COBL: variants seen among roughly 807,000 people sequenced by gnomAD.
COBL encodes cordon-bleu WH2 repeat protein.
A neutral mutation model predicts 98.8 loss-of-function variants in COBL; 51 were observed. The ratio of observed to expected loss-of-function variants is 0.52; its 90% CI spans 0.41 to 0.65. The LOEUF (loss-of-function observed/expected upper bound fraction) is 0.65, where lower values mean the gene tolerates loss of function less well. COBL is among the 30% of genes least tolerant of loss of function. The probability of loss-of-function intolerance (pLI) is 0.00; values close to 1 mark genes in which losing one functional copy is unlikely to be tolerated. For missense variants in COBL, 1,617 were observed against 1,617.5 expected (o/e 1.00, Z 0.01); for synonymous variants, 634 against 651.7 (o/e 0.97, Z 0.41).
intron 5 of COBL, among the ~76,000 whole-genome samples, chr7:51,145,831 C>T (rs1341786563): frequency 1.3e-5 from 2 of 152,174 alleles, no homozygotes; most frequent in Non-Finnish European, 1.5e-5. Flanking sequence ...AGCCGTCTTT[C>T]GTGTGTGTGA....
intron 5 of COBL, among the ~76,000 whole-genome samples, chr7:51,148,884 C>CTG (rs1785292966): frequency 6.6e-6 from 1 of 151,954 alleles, no homozygotes; most frequent in East Asian, 1.9e-4. Flanking sequence ...ATCATTTACT[C>CTG]TGTGTGTGTG....
At chr7:51,041,710 C>T (rs775132965) in intron 8 of COBL, among the ~76,000 whole-genome samples, 23 of 152,112 alleles carry the variant, frequency 1.5e-4, no homozygotes, top group Middle Eastern at 3.4e-3. Context: ...TCTTGAACTC[C>T]TGACCTCAGG....
intron 5 of COBL, among the ~76,000 whole-genome samples, chr7:51,181,184 C>T (rs1035966578): frequency 6.6e-6 from 1 of 152,060 alleles, no homozygotes; most frequent in African/African-American, 2.4e-5. Context: ...TGACACTCAG[C>T]GTTTAATCAT....
At chr7:51,307,371 CAAAAACA>C (rs1157933393) in intron 1 of COBL, among the ~76,000 whole-genome samples, 1 of 151,800 alleles carries the variant, frequency 6.6e-6, no homozygotes, top group South Asian at 2.1e-4. Context: ...AAAACAAAAA[CAAAAACA>C]AAAAAAGGAG....
chr7:51,064,994 G>T, intron 7 of COBL: 4 of 601,750 alleles, frequency 6.6e-6, no homozygotes, highest in Non-Finnish European at 1.2e-5. Context: ...GGACAATATG[G>T]CAAGCTTTCA....
rs1009037286 is a variant in COBL, at chr7:51,237,788, G to T, written c.42-17844C>A. 2.6e-5 allele frequency among the ~76,000 whole-genome samples: 4 copies of T among 152,296 alleles called. No homozygotes were observed. The East Asian group carries it at 7.7e-4, about 29-fold the overall frequency. The stretch of plus-strand genomic sequence containing the variant: ...AGTAATGAAAACAAAACGTGTATTA[G>T]AATAGACCAATATTTACATGGTGTT... On this transcript the variant is annotated intron_variant, in intron 1 of 12. Transcript: ENST00000265136.
chr7:51,094,114 A>C (rs1401517972), intron 6 of COBL, among the ~76,000 whole-genome samples: 1 of 152,024 alleles, frequency 6.6e-6, no homozygotes, highest in Non-Finnish European at 1.5e-5. Flanking sequence ...ATGCTAAGTA[A>C]AATAAGACAG....
intron 6 of COBL, among the ~76,000 whole-genome samples, chr7:51,110,418 T>C (rs1301609278): frequency 6.6e-6 from 1 of 152,258 alleles, no homozygotes; most frequent in East Asian, 1.9e-4. Context: ...GTTCCATCCA[T>C]GTCGCTGTAA....
intron 8 of COBL, among the ~76,000 whole-genome samples, chr7:51,037,196 A>G (rs1485051338): frequency 2.0e-5 from 3 of 152,234 alleles, no homozygotes; most frequent in Non-Finnish European, 2.9e-5. Context: ...CAAGTTACAA[A>G]GATTACCTAG....
At chr7:51,042,064 C>T (rs1442600704) in intron 8 of COBL, among the ~76,000 whole-genome samples, 1 of 152,142 alleles carries the variant, frequency 6.6e-6, no homozygotes, top group Non-Finnish European at 1.5e-5. Context: ...CTTCATATCA[C>T]ACCCAAAAAT....
chr7:51,143,345 T>G (rs909540846), intron 5 of COBL, among the ~76,000 whole-genome samples: 1 of 152,172 alleles, frequency 6.6e-6, no homozygotes, highest in African/African-American at 2.4e-5. Context: ...AGGGAAGGTT[T>G]TTCCCTCTCA....
At chr7:51,052,627 CAT>C in intron 7 of COBL, among the ~76,000 whole-genome samples, 1 of 152,174 alleles carries the variant, frequency 6.6e-6, no homozygotes. Context: ...TATTAAAACA[CAT>C]AAATTTTATT....
intron 6 of COBL, among the ~76,000 whole-genome samples, chr7:51,117,495 A>G (rs1345536012): frequency 6.6e-6 from 1 of 152,052 alleles, no homozygotes; most frequent in Non-Finnish European, 1.5e-5. Flanking sequence ...TGGGCCCATC[A>G]GTGAAATTTT....
At chr7:51,271,922 G>A (rs1247857292) in intron 1 of COBL, among the ~76,000 whole-genome samples, 4 of 152,066 alleles carry the variant, frequency 2.6e-5, no homozygotes, top group African/African-American at 4.8e-5. Context: ...CCAGCTACTC[G>A]GGAGGCTGAG....
intron 1 of COBL, among the ~76,000 whole-genome samples, chr7:51,303,755 C>T (rs149573110): frequency 1.3e-5 from 2 of 152,260 alleles, no homozygotes; most frequent in Admixed American, 6.5e-5. Context: ...TATACTGATC[C>T]GTTCTGTATG....
intron 6 of COBL, among the ~76,000 whole-genome samples, chr7:51,092,369 G>C (rs1174146322): frequency 1.3e-5 from 2 of 152,172 alleles, no homozygotes; most frequent in Non-Finnish European, 2.9e-5. Flanking sequence ...CAATGTCATA[G>C]AGCTTCCCTC....
intron 6 of COBL, among the ~76,000 whole-genome samples, chr7:51,099,589 A>G (rs1481963504): frequency 2.0e-5 from 3 of 152,150 alleles, no homozygotes. Context: ...AGCTTGAGGG[A>G]GGGGGAAAAG....
rs772163677 is a variant in COBL at position 51,185,418 on chromosome 7, A to G, written c.686-1219T>C. 3.8e-4 allele frequency among the ~76,000 whole-genome samples: 58 copies of G among 152,102 alleles called. 1 individual carries two copies. The highest frequency in any genetic ancestry group is 8.8e-5 in the Non-Finnish European group (6 of 68,020). ...CCATGTGTGAGGCACACTTCGGAAA[A>G]CCACTTAGCTCCTCCAAGCCTCAGC... On this transcript the variant is annotated intron_variant, in intron 4 of 12. Coordinates refer to ENST00000265136, the MANE Select transcript of COBL (RefSeq NM_015198.5).
Position 51,028,572 on chromosome 7 carries a change from C to T in COBL, c.2524G>A (p.Gly842Ser). ...GRNQPPTMGM[G>S]HVRVPAAHTT... ...TGAGCTGCTGGCACCCTCACGTGAC[C>T]CATGCCCATGGTGGGGGGCTGGTTT... The change falls in exon 10 of 13, where the codon GGT (glycine) becomes AGT (serine). Residue 842 changes from glycine to serine, a missense_variant. Around this residue, in one of 3 missense-constraint regions of COBL, gnomAD observed 1,304 missense variants for 1,282.0 expected, o/e 1.02. Coordinates refer to ENST00000265136, the MANE Select transcript of COBL (RefSeq NM_015198.5). 1 of 1,614,244 alleles carries T rather than the reference C, an allele frequency of 6.2e-7. No individual in the cohort carries two copies. The highest frequency in any genetic ancestry group is 1.1e-5 in the South Asian group (1 of 91,078).
Sources: gnomAD v4.1 joint callset for allele counts (sites outside exome capture counted in the v4.1 genomes callset) on GRCh38, gnomAD v4.1.1 for gene constraint, gnomAD v4.1.1 regional missense constraint, MANE v1.5 for transcripts, NCBI Gene and HGNC (gene_info 2026-07-23, HGNC 2026-07-21) for gene names.